PCDH15: variants seen among roughly 807,000 people sequenced by gnomAD.
PCDH15 encodes protocadherin-15.
A neutral mutation model predicts 178.5 loss-of-function variants in PCDH15; 129 were observed. That is an observed-to-expected ratio of 0.72 (90% CI 0.63 to 0.84). The LOEUF is 0.84. PCDH15 is among the 40% of genes least tolerant of loss of function. The pLI is 0.00. For synonymous variants in PCDH15, 800 were observed against 732.0 expected (o/e 1.09, Z -1.50); for missense variants, 2,230 against 2,099.9 (o/e 1.06, Z -1.21).
At chr10:54,865,008 T>C (rs1371037238) in intron 3 of PCDH15, among the ~76,000 whole-genome samples, 3 of 152,208 alleles carry the variant, frequency 2.0e-5, no homozygotes, top group Non-Finnish European at 2.9e-5. Context: ...TGTTTCATGA[T>C]AGACATTATT....
intron 8 of PCDH15, among the ~76,000 whole-genome samples, chr10:54,271,383 G>A (rs1429898070): frequency 6.6e-6 from 1 of 151,896 alleles, no homozygotes; most frequent in Admixed American, 6.6e-5. Context: ...GCTAATTTTT[G>A]TACTTTATTA....
At chr10:54,612,578 T>A (rs1404081510) in intron 2 of PCDH15, among the ~76,000 whole-genome samples, 2 of 151,722 alleles carry the variant, frequency 1.3e-5, no homozygotes, top group Non-Finnish European at 3.0e-5. Context: ...AAAAACATAA[T>A]CTAAAAGTTT....
chr10:54,917,829 C>G (rs1359630109), intron 2 of PCDH15, among the ~76,000 whole-genome samples: 1 of 152,054 alleles, frequency 6.6e-6, no homozygotes, highest in African/African-American at 2.4e-5. Context: ...TGCACTAAGG[C>G]ATATTCAAAT....
chr10:54,510,564 C>T (rs2081562295), intron 3 of PCDH15, among the ~76,000 whole-genome samples: 1 of 152,132 alleles, frequency 6.6e-6, no homozygotes, highest in South Asian at 2.1e-4. Context: ...TATTGGAAAA[C>T]TACAATGGAC....
intron 21 of PCDH15, among the ~76,000 whole-genome samples, chr10:53,970,970 G>A (rs1312864527): frequency 1.3e-5 from 2 of 152,028 alleles, no homozygotes; most frequent in Non-Finnish European, 2.9e-5. Flanking sequence ...ACTAAAGCTG[G>A]CAGAGACACA....
At chr10:55,297,653 C>T (rs946932648) in intron 1 of PCDH15, among the ~76,000 whole-genome samples, 5 of 151,938 alleles carry the variant, frequency 3.3e-5, no homozygotes, top group African/African-American at 1.2e-4. Context: ...TTTATTAATT[C>T]ATATGTATGA....
At chr10:53,811,135 T>C (rs1429294063) in intron 36 of PCDH15, among the ~76,000 whole-genome samples, 2 of 152,198 alleles carry the variant, frequency 1.3e-5, no homozygotes, top group Non-Finnish European at 2.9e-5. Flanking sequence ...AAGTGACTTT[T>C]GAGACACTTA....
At chr10:53,904,447 T>C (rs2082532136) in intron 25 of PCDH15, among the ~76,000 whole-genome samples, 1 of 148,886 alleles carries the variant, frequency 6.7e-6, no homozygotes. Flanking sequence ...TAGCTTGTAT[T>C]AGTAAGAACT....
intron 8 of PCDH15, among the ~76,000 whole-genome samples, chr10:54,257,403 C>CTTTTTTTTTTTTTTTTT (rs71461225): frequency 7.9e-6 from 1 of 126,022 alleles, no homozygotes; most frequent in African/African-American, 2.9e-5. Flanking sequence ...GAATTGTCTT[C>CTTTTTTTTTTTTTTTTT]TTTTTTTTTT....
chr10:55,027,702 A>G lies in PCDH15; in HGVS notation c.-79-130202T>C, dbSNP rs547346589. ...TAATATAGCGATAGGACTCTAATTT[A>G]GGAGAGTAGTTTTAAAATACCACTC... is the stretch of plus-strand genomic sequence containing the variant. On this transcript the variant is annotated intron_variant, in intron 2 of 5. Coordinates refer to the PCDH15 transcript ENST00000458638. Among the ~76,000 whole-genome samples the G allele has an allele frequency of 2.6e-5, 4 of 152,014 alleles. No individual in the cohort carries two copies. In the East Asian group the frequency reaches 7.7e-4, roughly 29 times the overall value.
At chr10:55,143,495 A>T (rs574895054) in intron 2 of PCDH15, among the ~76,000 whole-genome samples, 3 of 152,148 alleles carry the variant, frequency 2.0e-5, no homozygotes, top group African/African-American at 7.2e-5. Flanking sequence ...TCAATACTTT[A>T]GATTAACTTT....
intron 2 of PCDH15, among the ~76,000 whole-genome samples, chr10:55,438,206 C>CACAA (rs1215592736): frequency 1.3e-5 from 2 of 151,644 alleles, no homozygotes; most frequent in East Asian, 1.9e-4. Context: ...ATGTTATACA[C>CACAA]ACACACACAC....
intron 2 of PCDH15, among the ~76,000 whole-genome samples, chr10:54,619,760 T>C (rs756897940): frequency 7.2e-5 from 11 of 152,054 alleles, no homozygotes; most frequent in Non-Finnish European, 1.5e-4. Flanking sequence ...ACCATCATAG[T>C]GTGGACCAAA....
intron 1 of PCDH15, among the ~76,000 whole-genome samples, chr10:55,228,761 T>G (rs983436200): frequency 2.0e-5 from 3 of 151,998 alleles, no homozygotes; most frequent in African/African-American, 7.2e-5. Context: ...AAACAAAATC[T>G]TATTAGTAAA....
intron 10 of PCDH15, among the ~76,000 whole-genome samples, chr10:54,197,047 T>C (rs1415616745): frequency 6.6e-6 from 1 of 152,168 alleles, no homozygotes; most frequent in Non-Finnish European, 1.5e-5. Flanking sequence ...TAAAGTTATA[T>C]TTATTGCCCA....
intron 15 of PCDH15, among the ~76,000 whole-genome samples, chr10:54,123,919 A>T (rs1224008954): frequency 6.6e-6 from 1 of 152,204 alleles, no homozygotes; most frequent in East Asian, 1.9e-4. Flanking sequence ...CAAATATTAC[A>T]TATTCTCACT....
chr10:54,449,433 C>T (rs2136269936), intron 3 of PCDH15, among the ~76,000 whole-genome samples: 1 of 151,828 alleles, frequency 6.6e-6, no homozygotes, highest in South Asian at 2.1e-4. Context: ...AGTTTTCTTG[C>T]TTGCTTCTGG....
rs778307616 is a variant in PCDH15 at position 55,437,832 on chromosome 10, C to CTTTTTT, written c.-156+189787_-156+189792dup. Among the ~76,000 whole-genome samples the CTTTTTT allele has an allele frequency of 3.7e-3, 313 of 84,646 alleles. 2 individuals carry two copies. Among genetic ancestry groups the CTTTTTT allele is most frequent in the African/African-American group, 5.7e-3 (115 of 20,046 alleles). 55.5% of individuals were successfully genotyped at this position (84,646 alleles called of 152,430 possible). On this transcript the variant is annotated intron_variant, in intron 2 of 5. Coordinates refer to the PCDH15 transcript ENST00000613346. The stretch of plus-strand genomic sequence containing the variant: ...CCAAATTGTCTTTCTTATTGCTTTT[C>CTTTTTT]TTTTTTTTTTTTTTTTTTTTTTCAG...
chr10:54,905,765 T>C (rs1954708876), intron 2 of PCDH15, among the ~76,000 whole-genome samples: 1 of 152,110 alleles, frequency 6.6e-6, no homozygotes, highest in Admixed American at 6.5e-5. Flanking sequence ...TTGAGATCTC[T>C]GAGTCATGCA....
Sources: gnomAD v4.1 joint callset for allele counts (sites outside exome capture counted in the v4.1 genomes callset) on GRCh38, gnomAD v4.1.1 for gene constraint, MANE v1.5 for transcripts, NCBI Gene and HGNC (gene_info 2026-07-23, HGNC 2026-07-21) for gene names.